The following NAMPT variants were observed in gnomAD, a reference collection of about 807,000 sequenced individuals.
NAMPT encodes the protein nicotinamide phosphoribosyltransferase, also known as NAmPRTase.
NAMPT carries 7 observed loss-of-function variants against 58.7 expected under a neutral mutation model. The ratio of observed to expected loss-of-function variants is 0.12; its 90% CI spans 0.07 to 0.22. The LOEUF (loss-of-function observed/expected upper bound fraction) is 0.22, where lower values mean the gene tolerates loss of function less well. NAMPT is among the 10% of genes least tolerant of loss of function. The pLI is 1.00. For missense variants in NAMPT, 271 were observed against 567.9 expected (o/e 0.48, Z 5.31); for synonymous variants, 145 against 198.1 (o/e 0.73, Z 2.25).
intron 1 of NAMPT, among the ~76,000 whole-genome samples, chr7:106,280,696 CT>C (rs1792744762): frequency 6.6e-6 from 1 of 152,150 alleles, no homozygotes; most frequent in Non-Finnish European, 1.5e-5. Flanking sequence ...AATCCCAGCA[CT>C]TTGGGAGGCC....
intron 6 of NAMPT, among the ~76,000 whole-genome samples, chr7:106,267,840 C>CCAAAAAAA (rs1792447996): frequency 3.0e-5 from 1 of 33,174 alleles, no homozygotes; most frequent in Admixed American, 4.8e-4. Context: ...GACTCCGTCT[C>CCAAAAAAA]AAAAAAAAAA....
intron 3 of NAMPT, among the ~76,000 whole-genome samples, chr7:106,274,318 CT>C (rs1480159203): frequency 6.6e-6 from 1 of 151,856 alleles, no homozygotes; most frequent in Non-Finnish European, 1.5e-5. Flanking sequence ...AATGAATTAT[CT>C]TTCTCAAAAA....
intron 7 of NAMPT, among the ~76,000 whole-genome samples, chr7:106,262,732 T>C (rs1792329838): frequency 6.6e-6 from 1 of 152,148 alleles, no homozygotes; most frequent in South Asian, 2.1e-4. Context: ...TTAACCTTTT[T>C]AAGCCTCTGT....
At position 106,248,495 on chromosome 7, in the gene NAMPT, A is replaced by AT. The variant is rs1792054708; in HGVS notation, c.*2587dup. 6.6e-6 allele frequency: 1 copy of AT among 152,428 alleles called. No individual in the cohort carries two copies. The highest frequency in any genetic ancestry group is 2.1e-4 in the South Asian group (1 of 4,830). The allele number at this position is 152,428 out of a possible 1,614,324, so 9.4% of individuals were successfully genotyped here. On this transcript the variant is annotated 3_prime_UTR_variant, in exon 11 of 11. Transcript: ENST00000222553. ...CAAACAGAACAATAAATACCTTGCC[A>AT]TTTTTCTTTCTAATTTTCCAAGATA...
chr7:106,261,982 T>C (rs563622833), intron 7 of NAMPT, among the ~76,000 whole-genome samples: 3 of 152,092 alleles, frequency 2.0e-5, no homozygotes, highest in African/African-American at 7.2e-5. Context: ...TTTCAAATTA[T>C]ATGGATTCAA....
chr7:106,268,716 T>C, intron 5 of NAMPT, 116 bp from the exon 6 acceptor site: 1 of 730,628 alleles, frequency 1.4e-6, no homozygotes, highest in East Asian at 2.5e-5. Context: ...GAATTGTCTT[T>C]CTCTTAGGAA....
chr7:106,266,559 C>T (rs144846121), intron 6 of NAMPT, among the ~76,000 whole-genome samples: 13 of 152,286 alleles, frequency 8.5e-5, no homozygotes, highest in Non-Finnish European at 1.5e-4. Flanking sequence ...TGCTCATAAA[C>T]GTCAGCTGAA....
At chr7:106,277,477 C>T (rs887300221) in intron 1 of NAMPT, among the ~76,000 whole-genome samples, 13 of 151,952 alleles carry the variant, frequency 8.6e-5, no homozygotes, top group African/African-American at 2.7e-4. Context: ...TTCATCCAGG[C>T]GAAGAGAGAG....
intron 4 of NAMPT, among the ~76,000 whole-genome samples, chr7:106,271,395 AATG>A (rs1792530690): frequency 6.6e-6 from 1 of 152,156 alleles, no homozygotes; most frequent in Admixed American, 6.5e-5. Context: ...ACTAATTCTT[AATG>A]ATATTAGTGG....
chr7:106,268,058 A>G (rs746286167), intron 6 of NAMPT, among the ~76,000 whole-genome samples: 6 of 151,996 alleles, frequency 3.9e-5, no homozygotes, highest in Admixed American at 2.0e-4. Flanking sequence ...CTGAAGGTAC[A>G]GTACAGATGA....
chr7:106,258,377 CAGAAAA>C (rs1792246198), intron 8 of NAMPT, among the ~76,000 whole-genome samples: 1 of 152,072 alleles, frequency 6.6e-6, no homozygotes, highest in Non-Finnish European at 1.5e-5. Context: ...CTCTTTCGAA[CAGAAAA>C]AAACTTGTGT....
At chr7:106,281,695 A>G (rs1426669907) in intron 1 of NAMPT, among the ~76,000 whole-genome samples, 1 of 152,224 alleles carries the variant, frequency 6.6e-6, no homozygotes, top group African/African-American at 2.4e-5. Context: ...GTTGCCCCCA[A>G]AAATAATTCA....
chr7:106,263,674 A>C, intron 6 of NAMPT, 57 bp from the exon 7 acceptor site: 1 of 1,218,484 alleles, frequency 8.2e-7, no homozygotes, highest in South Asian at 1.3e-5. Context: ...TCTATCCCTG[A>C]ATCACCTTTA....
At position 106,253,386 on chromosome 7, in the gene NAMPT, G is replaced by A. The variant is rs578042504; in HGVS notation, c.1231-235C>T. ...CATCTTGGATATCCTTTTTGCCACT[G>A]AAGAACACCTAATACTCCATTTGTA... is the stretch of plus-strand genomic sequence containing the variant. On this transcript the variant is annotated intron_variant, in intron 9 of 10. Transcript: ENST00000222553. 4 of 445,330 alleles carry A rather than the reference G, an allele frequency of 9.0e-6. No homozygotes were observed. The South Asian group carries it at 9.7e-5, about 11-fold the overall frequency. The allele number at this position is 445,330 out of a possible 1,614,324, so 27.6% of individuals were successfully genotyped here.
chr7:106,254,091 A>G (rs1249013039), intron 9 of NAMPT, among the ~76,000 whole-genome samples: 1 of 152,128 alleles, frequency 6.6e-6, no homozygotes, highest in African/African-American at 2.4e-5. Context: ...ATCTAAAGGT[A>G]AAAACGGCAG....
rs149271943 is a variant in NAMPT, at chr7:106,253,062, A to G, written c.1320T>C (p.Phe440=). 249 of 1,613,494 alleles carry G rather than the reference A, an allele frequency of 1.5e-4. No individual in the cohort carries two copies. In the African/African-American group the frequency reaches 3.0e-3, roughly 19 times the overall value. Residue 440 remains phenylalanine (F), a synonymous_variant, in exon 10 of 11, where the codon TTT becomes TTC. Coordinates refer to ENST00000222553, the MANE Select transcript of NAMPT (RefSeq NM_005746.3). The part of the protein sequence containing the change: ...LSLHRTPAGN[F]VTLEEGKGDL... ...CTCCTTTTCCTTCCTCCAGTGTAAC[A>G]AAATTCCCTGCTGGCGTCCTATGTA... is the stretch of plus-strand genomic sequence containing the variant.
chr7:106,260,758 C>T (rs1792288225), intron 8 of NAMPT, among the ~76,000 whole-genome samples: 2 of 152,182 alleles, frequency 1.3e-5, no homozygotes, highest in African/African-American at 4.8e-5. Flanking sequence ...ACTGTTGTGT[C>T]TCAGGGCATA....
At chr7:106,272,808 C>A (rs761672747) in intron 3 of NAMPT, 150 bp from the exon 4 acceptor site, 2 of 740,830 alleles carry the variant, frequency 2.7e-6, no homozygotes, top group Non-Finnish European at 4.3e-6. Context: ...GTCAGAATAT[C>A]CTTATCCTTC....
At chr7:106,284,726 G>GCCCCCCC in intron 1 of NAMPT, 102 bp downstream of exon 1, 1 of 464,966 alleles carries the variant, frequency 2.2e-6, no homozygotes. Context: ...CCTAGCCCCA[G>GCCCCCCC]CCCCAGCCCC....
Sources: gnomAD v4.1 joint callset for allele counts (sites outside exome capture counted in the v4.1 genomes callset) on GRCh38, gnomAD v4.1.1 for gene constraint, MANE v1.5 for transcripts, NCBI Gene and HGNC (gene_info 2026-07-23, HGNC 2026-07-21) for gene names.